NMS: variants seen among roughly 807,000 people sequenced by gnomAD.
NMS encodes neuromedin-S.
A neutral mutation model predicts 32.2 loss-of-function variants in NMS; 30 were observed. That is an observed-to-expected ratio of 0.93 (90% CI 0.70 to 1.26). The LOEUF is 1.26. NMS is among the 50% of genes most tolerant of loss of function. NMS has a pLI of 0.00. For missense variants in NMS, 190 were observed against 186.3 expected, an observed-to-expected ratio of 1.02 and a Z score of -0.12; for synonymous variants, 76 against 58.5, an observed-to-expected ratio of 1.30 and a Z score of -1.37.
In NMS at chr2:100,477,828, C is replaced by T. The variant is rs71413880; in HGVS notation, c.261+414C>T. ...ATGGATGAACATCTTCCGTGGCTGTCGCGATGTGTATGTGCAAAGGGAATA... is the reference window on the plus strand; with the variant it reads ...ATGGATGAACATCTTCCGTGGCTGTTGCGATGTGTATGTGCAAAGGGAATA... On this transcript the variant is annotated intron_variant, in intron 5 of 9. Transcript: ENST00000376865. Among the ~76,000 whole-genome samples, 992 of 152,162 alleles carry T rather than the reference C, an allele frequency of 6.5e-3. 6 individuals carry two copies. The highest frequency in any genetic ancestry group is 0.011 in the Non-Finnish European group (722 of 68,026).
intron 7 of NMS, among the ~76,000 whole-genome samples, chr2:100,480,923 A>G (rs1032382743): frequency 6.6e-6 from 1 of 152,158 alleles, no homozygotes; most frequent in Non-Finnish European, 1.5e-5. Flanking sequence ...TCACCTGGCT[A>G]AAATTCAGAT....
At chr2:100,475,269 C>A (rs1014582761) in intron 3 of NMS, among the ~76,000 whole-genome samples, 17 of 152,256 alleles carry the variant, frequency 1.1e-4, no homozygotes, top group African/African-American at 3.1e-4. Context: ...CATGTCACTT[C>A]GTCTCTTGGG....
intron 1 of NMS, among the ~76,000 whole-genome samples, chr2:100,470,798 G>A (rs957490232): frequency 1.3e-5 from 2 of 152,188 alleles, no homozygotes; most frequent in Non-Finnish European, 2.9e-5. Flanking sequence ...AGCTGCTCCT[G>A]CCCTAGGGAT....
In NMS at chr2:100,482,014, T is replaced by C. The variant is rs942309961; in HGVS notation, c.415-263T>C. Among the ~76,000 whole-genome samples, 5 of 152,132 alleles carry C rather than the reference T, an allele frequency of 3.3e-5. No homozygotes were observed. The East Asian group carries it at 7.7e-4, about 23-fold the overall frequency. On this transcript the variant is annotated intron_variant, in intron 8 of 9. Transcript: ENST00000376865. Reference sequence around the variant, plus strand: ...ATGGTTTGTGGAACCTCCCACCACATAAGCAAAGACTAAAGGGGGGGGATG... The same window carrying C: ...ATGGTTTGTGGAACCTCCCACCACACAAGCAAAGACTAAAGGGGGGGGATG...
intron 6 of NMS, 49 bp from the exon 7 acceptor site, chr2:100,480,447 G>C: frequency 6.3e-7 from 1 of 1,597,590 alleles, no homozygotes; most frequent in South Asian, 1.1e-5. Flanking sequence ...CAACTGCAAG[G>C]TCATGATGTG....
At chr2:100,480,087 AC>A (rs1296739993) in intron 6 of NMS, among the ~76,000 whole-genome samples, 2 of 152,038 alleles carry the variant, frequency 1.3e-5, no homozygotes, top group Non-Finnish European at 2.9e-5. Context: ...AGTTTGTCTG[AC>A]CCCCTGCTAA....
intron 3 of NMS, among the ~76,000 whole-genome samples, chr2:100,473,816 T>G (rs552726167): frequency 6.6e-6 from 1 of 152,248 alleles, no homozygotes; most frequent in Non-Finnish European, 1.5e-5. Context: ...TTATGATATA[T>G]TGCATATTAC....
chr2:100,482,420 A>G, intron 9 of NMS, 109 bp downstream of exon 9: 1 of 1,051,016 alleles, frequency 9.5e-7, no homozygotes, highest in Non-Finnish European at 1.5e-6. Context: ...TTGTTCAAGA[A>G]ATGAGGACCC....
intron 5 of NMS, among the ~76,000 whole-genome samples, chr2:100,478,967 G>A (rs1677163195): frequency 6.6e-6 from 1 of 152,196 alleles, no homozygotes; most frequent in Non-Finnish European, 1.5e-5. Flanking sequence ...TGCTTGGGGA[G>A]GGTTACGGGG....
At chr2:100,482,988 T>C (rs367735901) in intron 9 of NMS, among the ~76,000 whole-genome samples, 1 of 152,222 alleles carries the variant, frequency 6.6e-6, no homozygotes, top group South Asian at 2.1e-4. Context: ...GCTGTTCCAC[T>C]GCTGGGAAAT....
At chr2:100,472,577 A>G (rs1162256257) in intron 1 of NMS, among the ~76,000 whole-genome samples, 2 of 152,242 alleles carry the variant, frequency 1.3e-5, no homozygotes, top group African/African-American at 4.8e-5. Context: ...TAATCTTTGT[A>G]TAAATCTCAG....
intron 1 of NMS, among the ~76,000 whole-genome samples, chr2:100,470,790 C>T (rs1414419891): frequency 6.6e-6 from 1 of 152,232 alleles, no homozygotes; most frequent in African/African-American, 2.4e-5. Flanking sequence ...TGTCTTTAAG[C>T]TGCTCCTGCC....
intron 5 of NMS, among the ~76,000 whole-genome samples, chr2:100,478,484 C>T (rs781701848): frequency 9.2e-5 from 14 of 151,764 alleles, no homozygotes; most frequent in South Asian, 4.2e-4. Flanking sequence ...GTTTTTTTGA[C>T]GGAGTTTCAC....
chr2:100,477,359 A>G lies in NMS; in HGVS notation c.208-2A>G, dbSNP rs752094367. On this transcript the variant is annotated splice_acceptor_variant, in intron 4 of 9. Transcript: ENST00000376865. LOFTEE classifies it high-confidence loss of function. ...CTAATATCACTTTCTTTTCTTATTT[A>G]GTTTTTGTTTCACTACTCCAGAACT... 6.8e-6 allele frequency: 11 copies of G among 1,613,128 alleles called. No homozygotes were observed. In the East Asian group the frequency reaches 2.5e-4, roughly 36 times the overall value.
Position 100,477,404 on chromosome 2 carries a change from T to C in NMS, c.251T>C (p.Val84Ala). Reference sequence around the variant, plus strand: ...AGAACTCAGGAGGCAACACATCCAGTTAAAACTGGGGTCAGTATTTTATTA... The same window carrying C: ...AGAACTCAGGAGGCAACACATCCAGCTAAAACTGGGGTCAGTATTTTATTA... ...YSRTQEATHP[V>A]KTGFPPVHPL... The change falls in exon 5 of 10, where the codon GTT (valine) becomes GCT (alanine). Residue 84 changes from valine to alanine, a missense_variant. By Grantham distance (64) the Val-to-Ala change is moderately conservative. Transcript: ENST00000376865. 1 of 1,612,274 alleles carries C rather than the reference T, an allele frequency of 6.2e-7. No homozygotes were observed. The highest frequency in any genetic ancestry group is 8.5e-7 in the Non-Finnish European group (1 of 1,178,486).
At chr2:100,478,356 TAAG>T (rs1211024555) in intron 5 of NMS, among the ~76,000 whole-genome samples, 1 of 152,244 alleles carries the variant, frequency 6.6e-6, no homozygotes, top group Non-Finnish European at 1.5e-5. Context: ...CTCCAAGTCT[TAAG>T]AGGATCCTTA....
At chr2:100,482,104 C>T (rs998697736) in intron 8 of NMS, among the ~76,000 whole-genome samples, 173 bp from the exon 9 acceptor site, 9 of 152,166 alleles carry the variant, frequency 5.9e-5, no homozygotes, top group South Asian at 2.1e-4. Context: ...AGAGGACCTA[C>T]GGACTAGCGC....
At chr2:100,475,860 G>A (rs1021390083) in intron 3 of NMS, among the ~76,000 whole-genome samples, 4 of 151,816 alleles carry the variant, frequency 2.6e-5, no homozygotes, top group South Asian at 2.1e-4. Context: ...TTAGCCAGGC[G>A]TGGTGGCGTG....
At chr2:100,475,820 T>C in intron 3 of NMS, among the ~76,000 whole-genome samples, 1 of 151,646 alleles carries the variant, frequency 6.6e-6, no homozygotes, top group East Asian at 1.9e-4. Context: ...GGCAACATGG[T>C]AAAGCCCGTC....
Sources: allele counts gnomAD v4.1 joint callset (sites outside exome capture counted in the v4.1 genomes callset), GRCh38; gene constraint gnomAD v4.1.1; transcripts MANE v1.5; gene names NCBI Gene and HGNC (gene_info 2026-07-23, HGNC 2026-07-21).